The following ISM1 variants were observed in gnomAD, a reference collection of about 807,000 sequenced individuals.
ISM1 encodes the protein isthmin-1.
In ISM1, 25 loss-of-function variants were observed where a neutral mutation model predicts 46.3. The observed-to-expected ratio is 0.54, with a 90% CI of 0.39 to 0.75. The LOEUF (loss-of-function observed/expected upper bound fraction) is 0.75. ISM1 is among the 30% of genes least tolerant of loss of function. ISM1 has a pLI of 0.00. For synonymous variants in ISM1, 255 were observed against 256.7 expected (o/e 0.99, Z 0.06); for missense variants, 536 against 625.4 (o/e 0.86, Z 1.52).
Position 13,299,106 on chromosome 20 carries a change from T to C in ISM1, c.1042T>C (p.Trp348Arg). The stretch of plus-strand genomic sequence containing the variant: ...CCGCATCAAGCGCAAGGACTTCCGC[T>C]GGAAGGACGCCAGCGGGCCCAAGGA... Reference protein sequence around the residue: ...FDRIKRKDFRWKDASGPKEKL... With the variant: ...FDRIKRKDFRRKDASGPKEKL... The change falls in exon 6 of 6, where the codon TGG (tryptophan) becomes CGG (arginine). Residue 348 changes from tryptophan (W) to arginine (R), a missense_variant. Transcript: ENST00000262487. This position sits in a 1 kb window ranked among gnomAD's most constrained non-coding sequence, Gnocchi z 5.8. The C allele has an allele frequency of 6.2e-7, 1 of 1,613,688 alleles. No individual in the cohort carries two copies. Among genetic ancestry groups the C allele is most frequent in the Non-Finnish European group, 8.5e-7 (1 of 1,179,786 alleles).
chr20:13,278,923 G>A (rs1192417233), intron 2 of ISM1, among the ~76,000 whole-genome samples: 1 of 152,178 alleles, frequency 6.6e-6, no homozygotes, highest in Non-Finnish European at 1.5e-5. Flanking sequence ...TCTAGGCTAA[G>A]CTTCCTTACA....
chr20:13,221,765 C>T lies in ISM1; in HGVS notation c.-12C>T, dbSNP rs1374814072. 3 of 1,430,680 alleles carry T rather than the reference C, an allele frequency of 2.1e-6. No individual in the cohort carries two copies. The African/African-American group carries it at 4.5e-5, about 21-fold the overall frequency. The allele number at this position is 1,430,680 out of a possible 1,614,324, so 88.6% of individuals were successfully genotyped here. ...CGCCGCGCCGGGTCCTAAAGCCGCG[C>T]GTCTCAAAAGGATGGTGCGCCTGGC... On this transcript the variant is annotated 5_prime_UTR_variant, in exon 1 of 6. Coordinates refer to ENST00000262487, the MANE Select transcript of ISM1 (RefSeq NM_080826.2).
intron 4 of ISM1, 56 bp downstream of exon 4, chr20:13,288,739 C>T (rs1320935370): frequency 2.5e-5 from 38 of 1,505,530 alleles, no homozygotes; most frequent in Non-Finnish European, 3.3e-5. Flanking sequence ...TTTAATTTAT[C>T]ATTAAAAACT....
chr20:13,263,656 G>A (rs967401584), intron 1 of ISM1, among the ~76,000 whole-genome samples: 3 of 152,160 alleles, frequency 2.0e-5, no homozygotes, highest in Admixed American at 6.5e-5. Context: ...ATAAAGCCCC[G>A]AGTGTGTTTA....
At chr20:13,241,218 CCA>C (rs2039718326) in intron 1 of ISM1, among the ~76,000 whole-genome samples, 1 of 152,038 alleles carries the variant, frequency 6.6e-6, no homozygotes, top group Non-Finnish European at 1.5e-5. Flanking sequence ...GGAACAGACT[CCA>C]GTGTCTATTG....
At chr20:13,269,720 C>G (rs941774681) in intron 1 of ISM1, among the ~76,000 whole-genome samples, 2 of 152,176 alleles carry the variant, frequency 1.3e-5, no homozygotes, top group Non-Finnish European at 1.5e-5. Context: ...AAGGTTTTCC[C>G]CAGCCACTCT....
At chr20:13,292,530 A>T in intron 5 of ISM1, 67 bp downstream of exon 5, 4 of 975,742 alleles carry the variant, frequency 4.1e-6, no homozygotes, top group Non-Finnish European at 6.3e-6. Flanking sequence ...TTGCTTTTGC[A>T]ATGCCATCCT....
intron 1 of ISM1, among the ~76,000 whole-genome samples, chr20:13,223,851 T>C (rs2039481172): frequency 6.6e-6 from 1 of 152,160 alleles, no homozygotes; most frequent in African/African-American, 2.4e-5. Context: ...CATGGACTCA[T>C]GAAAAGCCAT....
intron 4 of ISM1, among the ~76,000 whole-genome samples, chr20:13,292,119 CAGTG>C (rs1430110559): frequency 6.6e-5 from 10 of 152,196 alleles, no homozygotes. Context: ...TCCCTGGGCT[CAGTG>C]AGTGAGTTCC....
intron 1 of ISM1, among the ~76,000 whole-genome samples, chr20:13,266,947 G>T (rs926372472): frequency 3.9e-5 from 6 of 152,202 alleles, no homozygotes; most frequent in African/African-American, 1.4e-4. Context: ...TGTGCAGTAA[G>T]TCCCTTTGAG....
intron 2 of ISM1, among the ~76,000 whole-genome samples, chr20:13,272,172 C>T (rs1164790063): frequency 6.6e-6 from 1 of 152,158 alleles, no homozygotes; most frequent in African/African-American, 2.4e-5. Flanking sequence ...AATTTGCTTA[C>T]ATAGCAGAAA....
At chr20:13,267,842 T>C (rs1207536306) in intron 1 of ISM1, among the ~76,000 whole-genome samples, 3 of 152,188 alleles carry the variant, frequency 2.0e-5, no homozygotes, top group African/African-American at 7.2e-5. Context: ...TATACCTCCA[T>C]TGTGGCTATG....
intron 1 of ISM1, among the ~76,000 whole-genome samples, chr20:13,235,494 T>C (rs1303814874): frequency 6.6e-6 from 1 of 152,138 alleles, no homozygotes; most frequent in African/African-American, 2.4e-5. Context: ...CAGGGCTGTG[T>C]TGAGAAGCTG....
chr20:13,285,927 A>C (rs1002506916), intron 3 of ISM1, among the ~76,000 whole-genome samples: 28 of 152,286 alleles, frequency 1.8e-4, no homozygotes, highest in African/African-American at 6.5e-4. Flanking sequence ...GCCAGGCTGC[A>C]TGAGATTTCT....
At chr20:13,261,867 GC>G (rs1274610006) in intron 1 of ISM1, among the ~76,000 whole-genome samples, 1 of 152,190 alleles carries the variant, frequency 6.6e-6, no homozygotes, top group Non-Finnish European at 1.5e-5. Flanking sequence ...ATGTCCTTTG[GC>G]TTAATTTCCA....
intron 1 of ISM1, among the ~76,000 whole-genome samples, chr20:13,224,595 T>C (rs1258708425): frequency 6.6e-6 from 1 of 152,212 alleles, no homozygotes; most frequent in East Asian, 1.9e-4. Flanking sequence ...TTATTGTTTT[T>C]ATCTCTGTGT....
At chr20:13,310,561 T>C in the ISM1 span, among the ~76,000 whole-genome samples, 6 of 152,022 alleles carry the variant, frequency 3.9e-5, no homozygotes, top group Non-Finnish European at 7.4e-5. Context: ...AAAGCAAAAA[T>C]AGGCAAACGG....
At chr20:13,264,956 C>A (rs1005553727) in intron 1 of ISM1, among the ~76,000 whole-genome samples, 1 of 152,168 alleles carries the variant, frequency 6.6e-6, no homozygotes, top group Non-Finnish European at 1.5e-5. Context: ...GAGGATGCTA[C>A]CAGAGAAGTG....
intron 1 of ISM1, among the ~76,000 whole-genome samples, chr20:13,263,445 CTT>C (rs879921881): frequency 3.9e-5 from 6 of 152,060 alleles, no homozygotes; most frequent in Admixed American, 2.6e-4. Context: ...CTAAAACTCA[CTT>C]TATTCATTCT....
Sources: gnomAD v4.1 joint callset for allele counts (sites outside exome capture counted in the v4.1 genomes callset) on GRCh38, gnomAD v4.1.1 for gene constraint, Gnocchi (gnomAD v3.1) non-coding constraint, MANE v1.5 for transcripts, NCBI Gene and HGNC (gene_info 2026-07-23, HGNC 2026-07-21) for gene names.